The following CALN1 variants were observed in gnomAD, a reference collection of about 807,000 sequenced individuals.
The protein encoded by CALN1 is calneuron 1.
In CALN1, 17 loss-of-function variants were observed where a neutral mutation model predicts 30.6. The ratio of observed to expected loss-of-function variants is 0.56; its 90% CI spans 0.38 to 0.83. CALN1 has a LOEUF of 0.83. Among genes scored for constraint, CALN1 ranks in the 40% least tolerant of loss-of-function variants. The probability of loss-of-function intolerance (pLI) is 0.00; values close to 1 mark genes in which losing one functional copy is unlikely to be tolerated. For missense variants in CALN1, 291 were observed against 354.9 expected (o/e 0.82, Z 1.45); for synonymous variants, 156 against 131.4 (o/e 1.19, Z -1.28).
intron 3 of CALN1, among the ~76,000 whole-genome samples, chr7:72,163,391 T>TAAAAAAAAAAAAAAAA (rs1563111506): frequency 7.7e-5 from 10 of 130,432 alleles, no homozygotes; most frequent in African/African-American, 2.0e-4. Context: ...TTATTGGAGA[T>TAAAAAAAAAAAAAAAA]TAAAAAAAAA....
chr7:72,059,094 C>A (rs1291024476), intron 4 of CALN1, among the ~76,000 whole-genome samples: 3 of 152,148 alleles, frequency 2.0e-5, no homozygotes, highest in African/African-American at 7.2e-5. Flanking sequence ...CTGGGATTCA[C>A]AAGAGATGTA....
At chr7:71,897,243 T>G (rs1027372790) in intron 5 of CALN1, among the ~76,000 whole-genome samples, 1 of 152,244 alleles carries the variant, frequency 6.6e-6, no homozygotes, top group Non-Finnish European at 1.5e-5. Context: ...TTATTGTTTT[T>G]TGTTATTTCA....
At chr7:71,871,363 T>C (rs556983038) in intron 5 of CALN1, among the ~76,000 whole-genome samples, 23 of 152,262 alleles carry the variant, frequency 1.5e-4, no homozygotes, top group African/African-American at 5.3e-4. Flanking sequence ...CCTGTAGGGC[T>C]TTCTCAAACA....
intron 4 of CALN1, among the ~76,000 whole-genome samples, chr7:72,076,388 C>T (rs1416275479): frequency 2.6e-5 from 4 of 151,340 alleles, no homozygotes; most frequent in African/African-American, 9.7e-5. Context: ...CACTTGAGGT[C>T]GGGAGTTCGA....
At chr7:72,396,265 A>AG (rs1361798379) in intron 2 of CALN1, among the ~76,000 whole-genome samples, 5 of 144,624 alleles carry the variant, frequency 3.5e-5, no homozygotes, top group Non-Finnish European at 6.0e-5. Context: ...AAAGAAAGAA[A>AG]AAGAAAAATT....
At chr7:72,231,868 C>G (rs1412901969) in intron 3 of CALN1, among the ~76,000 whole-genome samples, 6 of 152,106 alleles carry the variant, frequency 3.9e-5, no homozygotes, top group Non-Finnish European at 8.8e-5. Flanking sequence ...TCAACTAGAG[C>G]TATATTTTTT....
chr7:72,105,464 G>A lies in CALN1; in HGVS notation c.388+687C>T, dbSNP rs1420899688. Among the ~76,000 whole-genome samples the A allele has an allele frequency of 2.0e-5, 3 of 151,912 alleles. No homozygotes were observed. In the East Asian group the frequency reaches 5.8e-4, roughly 30 times the overall value. On this transcript the variant is annotated intron_variant, in intron 4 of 6. Transcript: ENST00000395275. ...TTTGAGGGGTTTTGGTGATGTTGGA[G>A]GAACATTCCCCAACTCACTGCCCCC...
intron 3 of CALN1, among the ~76,000 whole-genome samples, chr7:72,246,290 T>A (rs479035): frequency 0.33 from 50,710 of 151,930 alleles, 10,848 homozygotes; most frequent in East Asian, 0.86. Flanking sequence ...ATTTCAAAAT[T>A]AGGGACTGGC....
chr7:72,205,575 T>TATATACATATATATATATATATATATAC (rs1562733884), intron 3 of CALN1, among the ~76,000 whole-genome samples: 3 of 119,634 alleles, frequency 2.5e-5, no homozygotes, highest in African/African-American at 1.3e-4. Flanking sequence ...TATGTATATA[T>TATATACATATATATATATATATATATAC]ATATATATAT....
intron 3 of CALN1, among the ~76,000 whole-genome samples, chr7:72,243,529 T>C (rs989518683): frequency 6.6e-6 from 1 of 152,124 alleles, no homozygotes; most frequent in Non-Finnish European, 1.5e-5. Context: ...GGATGCAGTG[T>C]TGGGGACTAA....
At chr7:71,832,851 C>T (rs1188318970) in intron 5 of CALN1, among the ~76,000 whole-genome samples, 1 of 152,078 alleles carries the variant, frequency 6.6e-6, no homozygotes, top group Non-Finnish European at 1.5e-5. Context: ...GGTGATCCAC[C>T]CGCATTGGCC....
chr7:72,180,604 TTTC>T (rs1351975490), intron 3 of CALN1, among the ~76,000 whole-genome samples: 2 of 130,046 alleles, frequency 1.5e-5, no homozygotes, highest in African/African-American at 2.6e-5. Context: ...TATGCTTTTT[TTTC>T]TTTTTTTTTT....
intron 3 of CALN1, among the ~76,000 whole-genome samples, chr7:72,194,891 C>T (rs1168632438): frequency 6.6e-6 from 1 of 151,746 alleles, no homozygotes; most frequent in Non-Finnish European, 1.5e-5. Flanking sequence ...GCCTTTTATT[C>T]CTCCCCTCTA....
At chr7:72,331,091 T>C (rs1217683707) in intron 2 of CALN1, among the ~76,000 whole-genome samples, 2 of 152,186 alleles carry the variant, frequency 1.3e-5, no homozygotes, top group Non-Finnish European at 2.9e-5. Flanking sequence ...GGCTCATACC[T>C]GTAATCCCAG....
chr7:72,181,135 C>G (rs1174167612), intron 3 of CALN1, among the ~76,000 whole-genome samples: 2 of 137,656 alleles, frequency 1.5e-5, no homozygotes, highest in Non-Finnish European at 3.0e-5. Context: ...TTTTTGGTAC[C>G]CTATAAGCTT....
chr7:72,392,417 C>CT (rs1297355157), intron 2 of CALN1, among the ~76,000 whole-genome samples: 1 of 152,148 alleles, frequency 6.6e-6, no homozygotes, highest in Non-Finnish European at 1.5e-5. Context: ...CAGGAAGAGG[C>CT]TCCTGTACGG....
intron 3 of CALN1, among the ~76,000 whole-genome samples, chr7:72,198,892 C>G (rs968119462): frequency 5.3e-5 from 8 of 152,206 alleles, no homozygotes; most frequent in Non-Finnish European, 1.0e-4. Flanking sequence ...CAAGCTCTCA[C>G]TAATCCCTGT....
chr7:71,813,948 A>AG (rs1432512040), intron 5 of CALN1, among the ~76,000 whole-genome samples: 1 of 151,300 alleles, frequency 6.6e-6, no homozygotes, highest in African/African-American at 2.4e-5. Flanking sequence ...AAAAAAAAAA[A>AG]AGATCTTTGG....
intron 2 of CALN1, among the ~76,000 whole-genome samples, chr7:72,358,326 T>C (rs933567591): frequency 1.4e-4 from 21 of 152,020 alleles, no homozygotes; most frequent in African/African-American, 3.2e-4. Flanking sequence ...CGTGGAGTGA[T>C]ATCCACTAGT....
Sources: allele counts gnomAD v4.1 joint callset (sites outside exome capture counted in the v4.1 genomes callset), GRCh38; gene constraint gnomAD v4.1.1; transcripts MANE v1.5; gene names NCBI Gene and HGNC (gene_info 2026-07-23, HGNC 2026-07-21).